The following TENM1 variants were observed in gnomAD, a reference collection of about 807,000 sequenced individuals.
The protein encoded by TENM1 is teneurin-1.
TENM1 carries 35 observed loss-of-function variants against 174.8 expected under a neutral mutation model. The observed-to-expected ratio is 0.20, with a 90% CI of 0.15 to 0.27. TENM1 has a LOEUF of 0.27. Among genes scored for constraint, TENM1 ranks in the 10% least tolerant of loss-of-function variants. TENM1 has a pLI of 1.00. For synonymous variants in TENM1, 781 were observed against 798.7 expected (o/e 0.98, Z 0.37); for missense variants, 1,633 against 2,130.1 (o/e 0.77, Z 4.59).
the TENM1 span, among the ~76,000 whole-genome samples, chrX:125,159,953 G>A: frequency 2.0e-4 from 22 of 109,673 alleles, no homozygotes; most frequent in East Asian, 8.8e-4. Context: ...TAATCCTAGC[G>A]CTTTGGGAGG....
chrX:124,881,721 TG>T (rs1302589594), intron 3 of TENM1, among the ~76,000 whole-genome samples: 2 of 109,118 alleles, frequency 1.8e-5, no homozygotes, highest in African/African-American at 3.4e-5. Flanking sequence ...TTGTTGTTGT[TG>T]TTGTTTTGTT....
chrX:125,150,329 T>C, the TENM1 span, among the ~76,000 whole-genome samples: 1 of 112,135 alleles, frequency 8.9e-6, no homozygotes, highest in African/African-American at 3.2e-5. Flanking sequence ...CACATTGTAA[T>C]TGAAAATGCT....
intron 11 of TENM1, among the ~76,000 whole-genome samples, chrX:124,574,815 A>T (rs2049130471): frequency 1.8e-5 from 2 of 111,723 alleles, no homozygotes; most frequent in Non-Finnish European, 3.8e-5. Context: ...TTTGGTGTAC[A>T]CCAAAAATTT....
At chrX:124,918,967 G>C (rs1166364724) in intron 1 of TENM1, among the ~76,000 whole-genome samples, 1 of 112,034 alleles carries the variant, frequency 8.9e-6, no homozygotes, top group African/African-American at 3.2e-5. Flanking sequence ...TCTGAACATT[G>C]TCCTATGTTC....
chrX:125,051,866 C>T, the TENM1 span, among the ~76,000 whole-genome samples: 1 of 105,113 alleles, frequency 9.5e-6, no homozygotes, highest in African/African-American at 3.5e-5. Context: ...AACTAAAGAG[C>T]TTCTGCACAG....
the TENM1 span, among the ~76,000 whole-genome samples, chrX:125,164,282 C>A: frequency 9.0e-6 from 1 of 111,645 alleles, no homozygotes; most frequent in African/African-American, 3.3e-5. Context: ...CCTCCAGCCA[C>A]TTTCAATCCC....
chrX:125,117,338 T>C, the TENM1 span, among the ~76,000 whole-genome samples: 2 of 110,389 alleles, frequency 1.8e-5, no homozygotes, highest in Non-Finnish European at 1.9e-5. Context: ...AAAGAAAATG[T>C]GGCACATCTA....
At chrX:124,916,776 T>TTCTC (rs376505358) in intron 1 of TENM1, among the ~76,000 whole-genome samples, 771 of 101,964 alleles carry the variant, frequency 7.6e-3, no homozygotes, top group Middle Eastern at 0.021. Context: ...TTCACCCCCT[T>TTCTC]TCTCTCTCTC....
intron 1 of TENM1, among the ~76,000 whole-genome samples, chrX:124,959,867 T>C (rs1275116821): frequency 9.0e-6 from 1 of 111,704 alleles, no homozygotes; most frequent in Non-Finnish European, 1.9e-5. Flanking sequence ...CTTATATCTC[T>C]TGAGTGTGTC....
At chrX:124,417,841 C>A (rs2060611514) in intron 25 of TENM1, among the ~76,000 whole-genome samples, 1 of 111,746 alleles carries the variant, frequency 8.9e-6, no homozygotes, top group Admixed American at 9.5e-5. Flanking sequence ...ACCAGTTGCT[C>A]AGGCCAAAAC....
intron 27 of TENM1, among the ~76,000 whole-genome samples, chrX:124,404,336 C>A (rs951425712): frequency 5.4e-5 from 6 of 111,008 alleles, no homozygotes; most frequent in Admixed American, 9.6e-5. Context: ...CAAGAGGAGG[C>A]AGGTAGACAG....
chrX:124,798,200 T>C (rs938762411), intron 3 of TENM1, among the ~76,000 whole-genome samples: 1 of 111,918 alleles, frequency 8.9e-6, no homozygotes, highest in African/African-American at 3.3e-5. Flanking sequence ...CCTTGTAGTA[T>C]ATAACCCATA....
intron 5 of TENM1, among the ~76,000 whole-genome samples, chrX:124,680,454 G>T (rs2052205944): frequency 9.0e-6 from 1 of 110,748 alleles, no homozygotes; most frequent in Admixed American, 9.6e-5. Context: ...TGTCTAGTTA[G>T]GTACCTTATC....
At chrX:124,745,852 AT>A (rs72447576) in intron 3 of TENM1, among the ~76,000 whole-genome samples, 18,029 of 108,586 alleles carry the variant, frequency 0.17, 2,057 homozygotes, top group African/African-American at 0.41. Flanking sequence ...GGGCCAAAAC[AT>A]TTTTTTTTCA....
chrX:124,617,518 G>C (rs1330013913), intron 11 of TENM1, among the ~76,000 whole-genome samples: 1 of 111,669 alleles, frequency 9.0e-6, no homozygotes, highest in African/African-American at 3.3e-5. Context: ...ATCAAGTAAA[G>C]GTTGGCAGGC....
At position 124,409,339 on chromosome X, in the gene TENM1, A is replaced by C. The variant is rs369484453; in HGVS notation, c.4983-2850T>G. ...AATTCAACAACCCTTCATGCTAAAA[A>C]CTCTCAATAAATTAGGTATTGATGG... On this transcript the variant is annotated intron_variant, in intron 25 of 31. Transcript: ENST00000422452. Among the ~76,000 whole-genome samples the C allele has an allele frequency of 6.1e-3, 670 of 109,848 alleles. 6 individuals carry two copies. Among genetic ancestry groups the C allele is most frequent in the African/African-American group, 0.021 (637 of 30,015 alleles).
At chrX:124,792,721 A>AC (rs1239931848) in intron 3 of TENM1, among the ~76,000 whole-genome samples, 1 of 112,592 alleles carries the variant, frequency 8.9e-6, no homozygotes, top group African/African-American at 3.2e-5. Flanking sequence ...ATAAAGCAAA[A>AC]CACTTTCAAA....
chrX:124,565,381 T>A, exon 12 of TENM1: 1 of 1,191,364 alleles, frequency 8.4e-7, no homozygotes, highest in South Asian at 1.9e-5. Context: ...TTACCAATTG[T>A]GCAGTGGTCG....
the TENM1 span, among the ~76,000 whole-genome samples, chrX:125,140,639 G>C: frequency 8.9e-6 from 1 of 111,960 alleles, no homozygotes; most frequent in South Asian, 3.7e-4. Context: ...AAATGCTTGA[G>C]GTTATGGATA....
Sources: allele counts gnomAD v4.1 joint callset (sites outside exome capture counted in the v4.1 genomes callset), GRCh38; gene constraint gnomAD v4.1.1; transcripts MANE v1.5; gene names NCBI Gene and HGNC (gene_info 2026-07-23, HGNC 2026-07-21).